Variants in CADM3 observed in about 807,000 individuals in gnomAD.
CADM3 encodes cell adhesion molecule 3.
In CADM3, 11 loss-of-function variants were observed where a neutral mutation model predicts 44.9. The ratio of observed to expected loss-of-function variants is 0.25; its 90% CI spans 0.15 to 0.41. The LOEUF is 0.41. Among genes scored for constraint, CADM3 ranks in the 10% least tolerant of loss-of-function variants. The pLI is 1.00. For missense variants in CADM3, 426 were observed against 512.0 expected (o/e 0.83, Z 1.62); for synonymous variants, 207 against 205.2 (o/e 1.01, Z -0.08).
chr1:159,187,684 C>T (rs1649472060), intron 1 of CADM3, among the ~76,000 whole-genome samples: 1 of 152,210 alleles, frequency 6.6e-6, no homozygotes, highest in South Asian at 2.1e-4. Flanking sequence ...TGTGAGTCCT[C>T]TCTGTCTTCT....
intron 1 of CADM3, among the ~76,000 whole-genome samples, chr1:159,172,990 A>G (rs1044618134): frequency 6.6e-6 from 1 of 151,942 alleles, no homozygotes; most frequent in African/African-American, 2.4e-5. Context: ...AGACTGAAGG[A>G]ATGCATCCTC....
intron 1 of CADM3, among the ~76,000 whole-genome samples, chr1:159,176,332 ATT>A (rs1649015633): frequency 6.6e-6 from 1 of 152,184 alleles, no homozygotes; most frequent in African/African-American, 2.4e-5. Flanking sequence ...GTACTAGAAC[ATT>A]TTGTTTCCTG....
At chr1:159,179,577 A>G (rs1289540899) in intron 1 of CADM3, among the ~76,000 whole-genome samples, 1 of 152,202 alleles carries the variant, frequency 6.6e-6, no homozygotes, top group Non-Finnish European at 1.5e-5. Context: ...TAGGATGAAG[A>G]ACTAGTACTT....
At position 159,189,643 on chromosome 1, in the gene CADM3, T is replaced by C; in HGVS notation, c.89-2293T>C. On this transcript the variant is annotated intron_variant, in intron 1 of 8. Transcript: ENST00000368125. ...CCTTGGTAAGAACCCTACCTTCTCT[T>C]AGGTATCCTGGTGAACCTATTTTTC... The C allele has an allele frequency of 4.4e-6, 3 of 684,686 alleles. No homozygotes were observed. In the South Asian group the frequency reaches 5.6e-5, roughly 13 times the overall value. The allele number at this position is 684,686 out of a possible 1,614,324, so 42.4% of individuals were successfully genotyped here.
rs1161474834 is a variant in CADM3, at chr1:159,193,979, T to C, written c.630T>C (p.Ser210=). ...REDDGASIVC[S]VNHESLKGAD... ...ATGATGGGGCGAGCATCGTGTGCTC[T>C]GTGAACCATGAATCTCTAAAGGGAG... The change falls in exon 5 of 9, where the codon TCT becomes TCC. Residue 210 remains serine (S), a synonymous_variant. Coordinates refer to ENST00000368125, the MANE Select transcript of CADM3 (RefSeq NM_001127173.3). 2 of 1,614,086 alleles carry C rather than the reference T, an allele frequency of 1.2e-6. No homozygotes were observed. Among genetic ancestry groups the C allele is most frequent in the Admixed American group, 1.7e-5 (1 of 59,996 alleles).
intron 1 of CADM3, 80 bp downstream of exon 1, chr1:159,171,933 G>T (rs1648826307): frequency 3.1e-6 from 3 of 964,896 alleles, no homozygotes; most frequent in Non-Finnish European, 4.0e-6. Context: ...CTCGCGGAAG[G>T]AGCCTGTTGG....
rs1174443317 is a variant in CADM3 at position 159,202,978 on chromosome 1, C to CG, written c.*2063dup. ...ATATTACACAGAAGCCATATTTGTA[C>CG]GGGGGGGTGGGAGGGAGAGGGGCTG... On this transcript the variant is annotated 3_prime_UTR_variant, in exon 9 of 9. Transcript: ENST00000368125. The CG allele has an allele frequency of 3.4e-4, 8 of 23,878 alleles. No homozygotes were observed. The highest frequency in any genetic ancestry group is 1.2e-3 in the African/African-American group (8 of 6,910). The allele number at this position is 23,878 out of a possible 1,614,324, so 1.5% of individuals were successfully genotyped here.
chr1:159,196,270 C>A, intron 5 of CADM3, 94 bp from the exon 6 acceptor site: 1 of 910,888 alleles, frequency 1.1e-6, no homozygotes. Flanking sequence ...GCTGCGGAAA[C>A]ATTTAGAGGT....
intron 2 of CADM3, 46 bp downstream of exon 2, chr1:159,192,122 A>G (rs1405605479): frequency 6.2e-7 from 1 of 1,600,154 alleles, no homozygotes; most frequent in East Asian, 2.2e-5. Flanking sequence ...CATGGGCTAG[A>G]GAAGGGGACT....
At position 159,194,024 on chromosome 1, in the gene CADM3, A is replaced by G. The variant is rs1341222626; in HGVS notation, c.675A>G (p.Gln225=). The change falls in exon 5 of 9, where the codon CAA becomes CAG. Residue 225 remains glutamine (Q), a synonymous_variant. Transcript: ENST00000368125. ...AGGGAGCTGACAGATCCACCTCTCA[A>G]CGCATTGAAGTTTTATGTATGTCAT... ...SLKGADRSTS[Q]RIEVLYTPTA... 4 of 1,613,610 alleles carry G rather than the reference A, an allele frequency of 2.5e-6. No individual in the cohort carries two copies. The highest frequency in any genetic ancestry group is 3.3e-5 in the Admixed American group (2 of 59,952).
intron 1 of CADM3, among the ~76,000 whole-genome samples, chr1:159,180,987 A>G (rs1649210092): frequency 6.6e-6 from 1 of 152,110 alleles, no homozygotes; most frequent in Non-Finnish European, 1.5e-5. Context: ...TGGGATGGGT[A>G]GTGCAGAGTA....
chr1:159,193,802 T>C, intron 4 of CADM3, 68 bp from the exon 5 acceptor site: 2 of 1,582,100 alleles, frequency 1.3e-6, no homozygotes, highest in Non-Finnish European at 1.7e-6. Flanking sequence ...ACATGATATC[T>C]GTATGTTAGG....
At chr1:159,185,029 GA>G (rs142464617) in intron 1 of CADM3, among the ~76,000 whole-genome samples, 2,023 of 152,294 alleles carry the variant, frequency 0.013, 46 homozygotes, top group African/African-American at 0.046. Flanking sequence ...AAGCAATTCA[GA>G]ACAGACAAGA....
intron 7 of CADM3, 114 bp from the exon 8 acceptor site, chr1:159,199,637 T>A (rs962257961): frequency 9.5e-6 from 13 of 1,368,340 alleles, no homozygotes; most frequent in South Asian, 7.2e-5. Flanking sequence ...CTGCTCCATT[T>A]TCCTGATGTT....
At chr1:159,193,832 T>C in intron 4 of CADM3, 38 bp from the exon 5 acceptor site, 4 of 1,605,670 alleles carry the variant, frequency 2.5e-6, no homozygotes, top group Non-Finnish European at 2.6e-6. Context: ...TGTCTCTCTC[T>C]GTGTGTTTGT....
In CADM3 at chr1:159,200,787, CCT is replaced by C; in HGVS notation, c.1079-14_1079-13del. ...GGGAAGCTGCTCCTGAGAGGAGAAG[CCT>C]CTGTCTCTACACAGGAACCTACCTG... On this transcript the variant is annotated splice_polypyrimidine_tract_variant and intron_variant, in intron 8 of 8. Transcript: ENST00000368125. The C allele has an allele frequency of 6.4e-7, 1 of 1,563,812 alleles. No individual in the cohort carries two copies. Among genetic ancestry groups the C allele is most frequent in the African/African-American group, 1.4e-5 (1 of 72,738 alleles).
At chr1:159,187,593 G>A (rs551829210) in intron 1 of CADM3, among the ~76,000 whole-genome samples, 1 of 152,208 alleles carries the variant, frequency 6.6e-6, no homozygotes, top group Non-Finnish European at 1.5e-5. Flanking sequence ...TATGGTATGA[G>A]ACGGCTATTT....
At chr1:159,196,187 C>CACATAT (rs1649882525) in intron 5 of CADM3, 177 bp from the exon 6 acceptor site, 1 of 576,260 alleles carries the variant, frequency 1.7e-6, no homozygotes, top group Non-Finnish European at 3.1e-6. Flanking sequence ...AGAAGTTGCT[C>CACATAT]ACATATTCAA....
At chr1:159,191,211 A>T (rs1649649503) in intron 1 of CADM3, among the ~76,000 whole-genome samples, 1 of 152,236 alleles carries the variant, frequency 6.6e-6, no homozygotes, top group Non-Finnish European at 1.5e-5. Context: ...TTTTCATCAC[A>T]TTGAAGAGAA....
Sources: gnomAD v4.1 joint callset for allele counts (sites outside exome capture counted in the v4.1 genomes callset) on GRCh38, gnomAD v4.1.1 for gene constraint, MANE v1.5 for transcripts, NCBI Gene and HGNC (gene_info 2026-07-23, HGNC 2026-07-21) for gene names.